GRIK1: variants seen among roughly 807,000 people sequenced by gnomAD.
The protein encoded by GRIK1 is glutamate receptor ionotropic, kainate 1.
In GRIK1, 69 loss-of-function variants were observed where a neutral mutation model predicts 105.7. The observed-to-expected ratio is 0.65, with a 90% CI of 0.54 to 0.80. GRIK1 has a LOEUF of 0.80. GRIK1 is among the 30% of genes least tolerant of loss of function. The pLI, the probability that GRIK1 is intolerant of heterozygous loss-of-function variation, is 0.00. For synonymous variants in GRIK1, 438 were observed against 431.3 expected (o/e 1.02, Z -0.19); for missense variants, 1,109 against 1,167.3 (o/e 0.95, Z 0.73).
At chr21:29,629,690 C>T (rs923587296) in intron 7 of GRIK1, among the ~76,000 whole-genome samples, 7 of 152,030 alleles carry the variant, frequency 4.6e-5, no homozygotes, top group African/African-American at 1.7e-4. Context: ...AGGGTTTCAC[C>T]GTGTTAGCCA....
chr21:29,641,207 C>T (rs2062502840), intron 7 of GRIK1, among the ~76,000 whole-genome samples: 1 of 152,138 alleles, frequency 6.6e-6, no homozygotes, highest in Non-Finnish European at 1.5e-5. Context: ...CCACCCAAAT[C>T]TCATCTCGAA....
intron 7 of GRIK1, chr21:29,630,808 T>C (rs1829992271): frequency 5.6e-6 from 2 of 357,002 alleles, no homozygotes; most frequent in Admixed American, 7.6e-5. Flanking sequence ...GTTTTTGTTT[T>C]TGAGACAGGC....
At chr21:29,932,610 G>GC (rs2071606079) in intron 1 of GRIK1, among the ~76,000 whole-genome samples, 1 of 151,508 alleles carries the variant, frequency 6.6e-6, no homozygotes, top group African/African-American at 2.4e-5. Flanking sequence ...TAAATTACTT[G>GC]GAAAAATAGT....
In GRIK1 at chr21:29,872,179, C is replaced by T. The variant is rs535116910; in HGVS notation, c.118+67204G>A. Among the ~76,000 whole-genome samples, 4 of 149,816 alleles carry T rather than the reference C, an allele frequency of 2.7e-5. No individual in the cohort carries two copies. The South Asian group carries it at 6.4e-4, about 24-fold the overall frequency. The stretch of plus-strand genomic sequence containing the variant: ...TCTAAATCAAGCTAATTAAAATATG[C>T]ACGCTCTCACTTCTTTTTTTTTTTT... On this transcript the variant is annotated intron_variant, in intron 1 of 17. Transcript: ENST00000327783.
At chr21:29,915,660 C>T (rs2070970194) in intron 1 of GRIK1, among the ~76,000 whole-genome samples, 1 of 151,968 alleles carries the variant, frequency 6.6e-6, no homozygotes. Flanking sequence ...AAACAAATGT[C>T]ACCACCATAG....
chr21:29,656,780 A>G (rs2062862478), intron 4 of GRIK1, among the ~76,000 whole-genome samples: 1 of 152,216 alleles, frequency 6.6e-6, no homozygotes, highest in South Asian at 2.1e-4. Context: ...GTATTAGATG[A>G]CAGCACATAA....
At chr21:29,885,044 A>G (rs546145286) in intron 1 of GRIK1, among the ~76,000 whole-genome samples, 66 of 152,212 alleles carry the variant, frequency 4.3e-4, no homozygotes, top group African/African-American at 1.4e-3. Flanking sequence ...CCTTGAGTAA[A>G]TGAGAATGAG....
chr21:29,773,453 A>G lies in GRIK1; in HGVS notation c.119-79390T>C, dbSNP rs915861512. On this transcript the variant is annotated intron_variant, in intron 1 of 17. Coordinates refer to ENST00000327783, the MANE Select transcript of GRIK1 (RefSeq NM_001330994.2). ...TCCAAGTTTTCTGCTTGTCTACTGG[A>G]GCCATGTGGGCAATTCTTCTTGACA... Among the ~76,000 whole-genome samples the G allele has an allele frequency of 6.6e-5, 10 of 152,212 alleles. No homozygotes were observed. The East Asian group carries it at 1.5e-3, about 24-fold the overall frequency.
At chr21:29,939,077 G>T (rs1359578286) in intron 1 of GRIK1, among the ~76,000 whole-genome samples, 1 of 152,066 alleles carries the variant, frequency 6.6e-6, no homozygotes, top group Non-Finnish European at 1.5e-5. Context: ...AGCGGCTCGC[G>T]ATCCCTTGCC....
At chr21:29,566,941 CTAATGTTTCCACAGA>C (rs1180577213) in intron 14 of GRIK1, among the ~76,000 whole-genome samples, 2 of 152,142 alleles carry the variant, frequency 1.3e-5, no homozygotes, top group African/African-American at 4.8e-5. Context: ...GTTTCCACAG[CTAATGTTTCCACAGA>C]ATTAACAAAT....
At chr21:29,719,924 A>G (rs2064278797) in intron 1 of GRIK1, among the ~76,000 whole-genome samples, 1 of 152,238 alleles carries the variant, frequency 6.6e-6, no homozygotes, top group Non-Finnish European at 1.5e-5. Context: ...ACTATAGCAT[A>G]TTTCAGAAAT....
In GRIK1 at chr21:29,697,711, A is replaced by G. The variant is rs561880860; in HGVS notation, c.119-3648T>C. Among the ~76,000 whole-genome samples, 9 of 152,248 alleles carry G rather than the reference A, an allele frequency of 5.9e-5. No homozygotes were observed. The East Asian group carries it at 1.7e-3, about 29-fold the overall frequency. ...CATGTGGGCAGACTGTTTAACGATC[A>G]GCCACTTCCTCCCTCCTTCTCCTCC... On this transcript the variant is annotated intron_variant, in intron 1 of 17. Coordinates refer to ENST00000327783, the MANE Select transcript of GRIK1 (RefSeq NM_001330994.2).
chr21:29,932,184 C>T (rs2071589375), intron 1 of GRIK1, among the ~76,000 whole-genome samples: 1 of 152,124 alleles, frequency 6.6e-6, no homozygotes, highest in Non-Finnish European at 1.5e-5. Flanking sequence ...ACAACATGGC[C>T]TAATCTTTCA....
At chr21:29,893,671 C>T (rs138160328) in intron 1 of GRIK1, among the ~76,000 whole-genome samples, 56 of 152,296 alleles carry the variant, frequency 3.7e-4, no homozygotes, top group African/African-American at 1.2e-3. Flanking sequence ...GTACCGCTTG[C>T]GTGTTGGGCA....
chr21:29,691,966 A>AT (rs1393126944), intron 2 of GRIK1, among the ~76,000 whole-genome samples: 38 of 152,238 alleles, frequency 2.5e-4, no homozygotes, highest in African/African-American at 8.7e-4. Context: ...TCAGAAGCTT[A>AT]TTTTCTGGTT....
intron 14 of GRIK1, among the ~76,000 whole-genome samples, chr21:29,569,204 A>G (rs2090682161): frequency 6.6e-6 from 1 of 152,228 alleles, no homozygotes; most frequent in South Asian, 2.1e-4. Flanking sequence ...AAATCTAGAG[A>G]GACTGAAAAA....
chr21:29,923,339 T>A (rs908304504), intron 1 of GRIK1, among the ~76,000 whole-genome samples: 1 of 152,226 alleles, frequency 6.6e-6, no homozygotes, highest in African/African-American at 2.4e-5. Context: ...ACATTCATAT[T>A]AATGTTTGAA....
Position 29,638,788 on chromosome 21 carries a change from A to G in GRIK1, c.1098+4038T>C, listed in dbSNP as rs16984566. Among the ~76,000 whole-genome samples, 639 of 152,268 alleles carry G rather than the reference A, an allele frequency of 4.2e-3. 9 individuals carry two copies. The highest frequency in any genetic ancestry group is 0.015 in the African/African-American group (604 of 41,564). On this transcript the variant is annotated intron_variant, in intron 7 of 17. Transcript: ENST00000327783. The stretch of plus-strand genomic sequence containing the variant: ...TCTTGAAAATGGAAAACTGTTTTTC[A>G]TTTTTTAACAGAACCTTTCATTTGA...
chr21:29,667,590 C>T (rs950285845), intron 4 of GRIK1, among the ~76,000 whole-genome samples: 25 of 152,020 alleles, frequency 1.6e-4, no homozygotes, highest in African/African-American at 4.6e-4. Flanking sequence ...ATATTCATTG[C>T]CACTAGTGTT....
Sources: gnomAD v4.1 joint callset for allele counts (sites outside exome capture counted in the v4.1 genomes callset) on GRCh38, gnomAD v4.1.1 for gene constraint, MANE v1.5 for transcripts, NCBI Gene and HGNC (gene_info 2026-07-23, HGNC 2026-07-21) for gene names.